HMGXB4: variants seen among roughly 807,000 people sequenced by gnomAD.
HMGXB4 encodes the protein HMG domain-containing protein 4.
HMGXB4 carries 27 observed loss-of-function variants against 63.9 expected under a neutral mutation model. That is an observed-to-expected ratio of 0.42 (90% CI 0.31 to 0.58). The LOEUF (loss-of-function observed/expected upper bound fraction) is 0.58, where lower values mean the gene tolerates loss of function less well. HMGXB4 is among the 20% of genes least tolerant of loss of function. The probability of loss-of-function intolerance (pLI) is 0.13; values close to 1 mark genes in which losing one functional copy is unlikely to be tolerated. For synonymous variants in HMGXB4, 264 were observed against 265.3 expected, an observed-to-expected ratio of 0.99 and a Z score of 0.05; for missense variants, 624 against 700.7, an observed-to-expected ratio of 0.89 and a Z score of 1.24.
intron 4 of HMGXB4, chr22:35,264,188 A>G (rs1923046255): frequency 1.4e-6 from 1 of 710,154 alleles, no homozygotes; most frequent in African/African-American, 1.8e-5. Flanking sequence ...TCTGGCCTGC[A>G]CCTGTGGGTC....
At chr22:35,273,934 C>T (rs919211977) in intron 5 of HMGXB4, among the ~76,000 whole-genome samples, 5 of 152,208 alleles carry the variant, frequency 3.3e-5, no homozygotes, top group Non-Finnish European at 5.9e-5. Flanking sequence ...TTGTGGAAAT[C>T]AGATGAGGTG....
At chr22:35,293,502 C>T (rs1925051163) in intron 10 of HMGXB4, 105 bp from the exon 11 acceptor site, 6 of 785,054 alleles carry the variant, frequency 7.6e-6, no homozygotes. Flanking sequence ...ACCTGTTTTT[C>T]TAACTCCATT....
At chr22:35,262,249 G>A (rs529559777) in intron 1 of HMGXB4, 74 bp from the exon 2 acceptor site, 64 of 796,026 alleles carry the variant, frequency 8.0e-5, no homozygotes, top group Admixed American at 7.7e-4. Context: ...GGATCACTGC[G>A]CATTTCCATC....
intron 5 of HMGXB4, among the ~76,000 whole-genome samples, chr22:35,278,673 G>A (rs1924050777): frequency 6.6e-6 from 1 of 150,888 alleles, no homozygotes; most frequent in South Asian, 2.1e-4. Context: ...TTTTAAGATG[G>A]GGTCTCACTG....
intron 5 of HMGXB4, among the ~76,000 whole-genome samples, chr22:35,270,340 C>G (rs1219889500): frequency 6.6e-6 from 1 of 152,190 alleles, no homozygotes; most frequent in East Asian, 1.9e-4. Flanking sequence ...TCCCATCACC[C>G]CCAGATGGGA....
At chr22:35,247,737 G>GGTTTGTTTGTTTGTTT in the HMGXB4 span, among the ~76,000 whole-genome samples, 10 of 151,768 alleles carry the variant, frequency 6.6e-5, no homozygotes, top group African/African-American at 2.2e-4. Flanking sequence ...TTTTTTTGCT[G>GGTTTGTTTGTTTGTTT]GTTTGTTTGT....
intron 1 of HMGXB4, among the ~76,000 whole-genome samples, chr22:35,260,198 C>T (rs1601622675): frequency 6.6e-6 from 1 of 152,322 alleles, no homozygotes; most frequent in East Asian, 1.9e-4. Context: ...GTATTTATGA[C>T]ATTGAATATT....
At chr22:35,276,647 A>G (rs866082433) in intron 5 of HMGXB4, among the ~76,000 whole-genome samples, 1 of 152,138 alleles carries the variant, frequency 6.6e-6, no homozygotes, top group African/African-American at 2.4e-5. Context: ...CTTAGGCCCA[A>G]TAAAGGAGGA....
intron 1 of HMGXB4, among the ~76,000 whole-genome samples, chr22:35,258,973 C>CA (rs1922655271): frequency 6.6e-6 from 1 of 151,978 alleles, no homozygotes. Flanking sequence ...CAAGTTACCT[C>CA]AAAAAAAGTC....
chr22:35,269,749 A>G (rs569156923), intron 5 of HMGXB4, among the ~76,000 whole-genome samples: 27 of 152,336 alleles, frequency 1.8e-4, no homozygotes, highest in African/African-American at 6.0e-4. Flanking sequence ...ACTATAGTCC[A>G]GAAGGTTAGT....
At chr22:35,241,572 G>A in the HMGXB4 span, among the ~76,000 whole-genome samples, 49 of 152,272 alleles carry the variant, frequency 3.2e-4, 2 homozygotes, top group African/African-American at 1.1e-3. Context: ...GGGCTGCTTC[G>A]GGATCCACTG....
intron 5 of HMGXB4, among the ~76,000 whole-genome samples, chr22:35,270,117 G>C (rs780019941): frequency 6.6e-6 from 1 of 152,186 alleles, no homozygotes; most frequent in Non-Finnish European, 1.5e-5. Flanking sequence ...ACCAGTAGCC[G>C]TCCGCGGCCT....
At chr22:35,272,597 T>C (rs1186212680) in intron 5 of HMGXB4, among the ~76,000 whole-genome samples, 1 of 152,216 alleles carries the variant, frequency 6.6e-6, no homozygotes, top group African/African-American at 2.4e-5. Flanking sequence ...ATTTTAAATA[T>C]ACCTTACTTT....
intron 9 of HMGXB4, among the ~76,000 whole-genome samples, 195 bp from the exon 10 acceptor site, chr22:35,292,797 G>A (rs1925009203): frequency 6.6e-6 from 1 of 152,214 alleles, no homozygotes; most frequent in Admixed American, 6.5e-5. Context: ...TTACGGAAAG[G>A]GAACATGGGA....
intron 5 of HMGXB4, among the ~76,000 whole-genome samples, chr22:35,265,889 C>A (rs1342754100): frequency 6.6e-6 from 1 of 151,472 alleles, no homozygotes; most frequent in African/African-American, 2.4e-5. Flanking sequence ...CAGGTTCAAG[C>A]CTCACCCTCC....
chr22:35,293,720 A>G lies in HMGXB4; in HGVS notation c.*69A>G, dbSNP rs1925066928. On this transcript the variant is annotated 3_prime_UTR_variant, in exon 11 of 11. Transcript: ENST00000216106. ...TGGTTTGTGTATATATGACTGTTGC[A>G]GATTCCTTCAGTGGCCTCTGGCTGT... 8.7e-7 allele frequency: 1 copy of G among 1,152,710 alleles called. No individual in the cohort carries two copies. The highest frequency in any genetic ancestry group is 1.8e-5 in the Admixed American group (1 of 56,234). 71.4% of individuals were successfully genotyped at this position (1,152,710 alleles called of 1,614,324 possible).
At chr22:35,242,362 A>T in the HMGXB4 span, among the ~76,000 whole-genome samples, 1 of 152,196 alleles carries the variant, frequency 6.6e-6, no homozygotes, top group Non-Finnish European at 1.5e-5. Flanking sequence ...TAGTAAAAAG[A>T]TCTATTTGTG....
chr22:35,266,792 G>A (rs1923279645), intron 5 of HMGXB4, among the ~76,000 whole-genome samples: 1 of 152,126 alleles, frequency 6.6e-6, no homozygotes, highest in Non-Finnish European at 1.5e-5. Flanking sequence ...GGACCGGCCT[G>A]GGCAACATAG....
intron 5 of HMGXB4, among the ~76,000 whole-genome samples, chr22:35,272,319 G>A (rs1417532951): frequency 2.0e-5 from 3 of 152,028 alleles, no homozygotes; most frequent in Non-Finnish European, 4.4e-5. Context: ...CGGTGTGGAA[G>A]TGAACGCAGC....
Sources: gnomAD v4.1 joint callset for allele counts (sites outside exome capture counted in the v4.1 genomes callset) on GRCh38, gnomAD v4.1.1 for gene constraint, MANE v1.5 for transcripts, NCBI Gene and HGNC (gene_info 2026-07-23, HGNC 2026-07-21) for gene names.